Variants in MIA3 observed in about 807,000 individuals in gnomAD.
MIA3 encodes the protein transport and Golgi organization protein 1 homolog.
MIA3 carries 90 observed loss-of-function variants against 192.4 expected under a neutral mutation model. The observed-to-expected ratio is 0.47, with a 90% CI of 0.39 to 0.56. The LOEUF (loss-of-function observed/expected upper bound fraction) is 0.56. Among genes scored for constraint, MIA3 ranks in the 20% least tolerant of loss-of-function variants. The pLI is 0.00. For missense variants in MIA3, 2,123 were observed against 2,269.4 expected (o/e 0.94, Z 1.31); for synonymous variants, 740 against 792.8 (o/e 0.93, Z 1.12).
At chr1:222,658,561 T>A (rs536860899) in intron 18 of MIA3, 161 bp from the exon 19 acceptor site, 2 of 492,824 alleles carry the variant, frequency 4.1e-6, no homozygotes, top group East Asian at 7.1e-5. Context: ...AGGCCACAGT[T>A]GGATTTTTAT....
At chr1:222,646,037 A>G (rs913641495) in intron 7 of MIA3, 1 of 190,694 alleles carries the variant, frequency 5.2e-6, no homozygotes, top group Non-Finnish European at 1.1e-5. Flanking sequence ...CCTGAAAAAT[A>G]GTTTCATGAT....
chr1:222,648,848 A>T lies in MIA3; in HGVS notation c.3629A>T (p.Gln1210Leu). The part of the protein sequence containing the change: ...TVLVVKDRVY[Q>L]VTEQQISEKL... ...TTCTAGGTGAAGGATAGAGTATATC[A>T]AGGTAAATCTTTAGGCTTTTTTGTT... The change falls in exon 8 of 28, where the codon CAA (glutamine) becomes CTA (leucine). Residue 1210 changes from glutamine to leucine, a missense_variant and splice_region_variant. Gln to Leu is a moderately radical substitution (Grantham distance 113). Around this residue, in one of 3 missense-constraint regions of MIA3, gnomAD observed 762 missense variants for 856.4 expected, o/e 0.89. Coordinates refer to ENST00000344922, the MANE Select transcript of MIA3 (RefSeq NM_198551.4). 1 of 1,448,640 alleles carries T rather than the reference A, an allele frequency of 6.9e-7. No individual in the cohort carries two copies. The highest frequency in any genetic ancestry group is 9.6e-7 in the Non-Finnish European group (1 of 1,038,482). 89.7% of individuals were successfully genotyped at this position (1,448,640 alleles called of 1,614,324 possible). A position where few individuals can be genotyped will look rare whatever the true frequency, so the allele number is the denominator to read the frequency against.
chr1:222,621,316 T>C, intron 2 of MIA3, 24 bp downstream of exon 2: 1 of 1,593,274 alleles, frequency 6.3e-7, no homozygotes, highest in Non-Finnish European at 8.5e-7. Context: ...CGACATACTT[T>C]ATTTGCTTAA....
intron 4 of MIA3, 135 bp downstream of exon 4, chr1:222,630,524 T>C (rs527239683): frequency 7.6e-6 from 6 of 784,360 alleles, no homozygotes; most frequent in Non-Finnish European, 1.2e-5. Flanking sequence ...GAGGTCCACA[T>C]GTTCCTTCCT....
chr1:222,658,088 T>C (rs1008514759), intron 18 of MIA3, among the ~76,000 whole-genome samples: 1 of 152,218 alleles, frequency 6.6e-6, no homozygotes, highest in African/African-American at 2.4e-5. Flanking sequence ...TTCCAGTACA[T>C]AGCACCCTGA....
chr1:222,662,033 G>A, intron 24 of MIA3, 23 bp from the exon 25 acceptor site: 1 of 1,595,324 alleles, frequency 6.3e-7, no homozygotes, highest in East Asian at 2.2e-5. Flanking sequence ...TACATATAAG[G>A]ACTCTGTTAT....
chr1:222,630,365 G>A lies in MIA3; in HGVS notation c.3145G>A (p.Glu1049Lys). 6.2e-7 allele frequency: 1 copy of A among 1,609,812 alleles called. No individual in the cohort carries two copies. The highest frequency in any genetic ancestry group is 8.5e-7 in the Non-Finnish European group (1 of 1,177,694). The change falls in exon 4 of 28, where the codon GAA becomes AAA. Residue 1049 changes from glutamate (E) to lysine (K), a missense_variant. By Grantham distance (56) the Glu-to-Lys change is moderately conservative (BLOSUM62 1). This residue lies in a region of MIA3 where 1,357 missense variants were observed against 1,396.1 expected (regional missense o/e 0.97). Coordinates refer to ENST00000344922, the MANE Select transcript of MIA3 (RefSeq NM_198551.4). Reference sequence around the variant, plus strand: ...ACTGGTGATGGCACCACCTCTAGAGGAAGGCTTGGGTGGAGCAATGGAAGG... The same window carrying A: ...ACTGGTGATGGCACCACCTCTAGAGAAAGGCTTGGGTGGAGCAATGGAAGG... ...ATLVMAPPLE[E>K]GLGGAMEEMQ... is the part of the protein sequence containing the mutation.
chr1:222,628,140 T>C lies in MIA3; in HGVS notation c.920T>C (p.Leu307Ser). Residue 307 changes from leucine (L) to serine (S), a missense_variant, in exon 4 of 28, where the codon TTG becomes TCG. Physicochemically the swap from Leu to Ser is moderately radical, Grantham distance 145. This residue lies in a region of MIA3 where 1,357 missense variants were observed against 1,396.1 expected (regional missense o/e 0.97). Coordinates refer to ENST00000344922, the MANE Select transcript of MIA3 (RefSeq NM_198551.4). ...TTAGAAGATGATTTTGATGAGGAATTGGATACTGAGTATTATGCAGTTGGA... is the reference window on the plus strand; with the variant it reads ...TTAGAAGATGATTTTGATGAGGAATCGGATACTGAGTATTATGCAGTTGGA... Reference protein sequence around the residue: ...TSLEDDFDEELDTEYYAVGKE... With the variant: ...TSLEDDFDEESDTEYYAVGKE... 1 of 1,613,954 alleles carries C rather than the reference T, an allele frequency of 6.2e-7. No homozygotes were observed. The highest frequency in any genetic ancestry group is 8.5e-7 in the Non-Finnish European group (1 of 1,180,018).
Position 222,653,120 on chromosome 1 carries a change from A to G in MIA3, c.4199A>G (p.Asp1400Gly), listed in dbSNP as rs758504855. The change falls in exon 14 of 28, where the codon GAT becomes GGT. Residue 1400 changes from aspartate to glycine, a missense_variant. Physicochemically the swap from Asp to Gly is moderately conservative, Grantham distance 94. This residue lies in a region of MIA3 where 762 missense variants were observed against 856.4 expected (regional missense o/e 0.89). Coordinates refer to ENST00000344922, the MANE Select transcript of MIA3 (RefSeq NM_198551.4). ...DLEVALTHKD[D>G]NINALTNCIT... ...GAAGTAGCTCTTACTCACAAGGATG[A>G]TAATATTAATGTAAGTGCGTTCATG... 3.1e-6 allele frequency: 5 copies of G among 1,609,958 alleles called. No individual in the cohort carries two copies. In the Admixed American group the frequency reaches 8.3e-5, roughly 27 times the overall value.
At position 222,618,408 on chromosome 1, in the gene MIA3, G is replaced by A. The variant is rs1395937642; in HGVS notation, c.133+165G>A. On this transcript the variant is annotated intron_variant, in intron 1 of 27. Transcript: ENST00000344922. ...GGCGGGATGGGCTGAACGCGGGGGT[G>A]GGCGCGCTCCGGGTCCCTGTGTCTG... is the stretch of plus-strand genomic sequence containing the variant. Among the ~76,000 whole-genome samples the A allele has an allele frequency of 4.6e-5, 7 of 152,212 alleles. No individual in the cohort carries two copies. The East Asian group carries it at 1.4e-3, about 30-fold the overall frequency.
intron 3 of MIA3, 77 bp downstream of exon 3, chr1:222,624,931 C>A: frequency 1.5e-6 from 1 of 687,316 alleles, no homozygotes; most frequent in South Asian, 1.7e-5. Flanking sequence ...AGAAAAATTT[C>A]AAAAGAATTT....
chr1:222,644,198 G>A (rs1470494587), intron 6 of MIA3: 4 of 921,758 alleles, frequency 4.3e-6, no homozygotes, highest in East Asian at 8.9e-5. Flanking sequence ...AGCCCTATTC[G>A]CTCTTCTCTC....
rs2936053 is a variant in MIA3, at chr1:222,628,664, A to C, written c.1444A>C (p.Lys482Gln). The change falls in exon 4 of 28, where the codon AAG (lysine) becomes CAG (glutamine). Residue 482 changes from lysine to glutamine, a missense_variant. By Grantham distance (53) the Lys-to-Gln change is moderately conservative (BLOSUM62 1). Coordinates refer to ENST00000344922, the MANE Select transcript of MIA3 (RefSeq NM_198551.4). ...QESKRGLVQD[K>Q]TELEDENQEG... ...ATCCAAGAGGGGCCTGGTACAAGAT[A>C]AGACAGAATTAGAGGATGAAAATCA... 1.9e-6 allele frequency: 3 copies of C among 1,614,140 alleles called. No homozygotes were observed. The highest frequency in any genetic ancestry group is 2.5e-6 in the Non-Finnish European group (3 of 1,180,034).
At chr1:222,644,001 G>A (rs1172332771) in intron 6 of MIA3, among the ~76,000 whole-genome samples, 1 of 152,174 alleles carries the variant, frequency 6.6e-6, no homozygotes, top group Non-Finnish European at 1.5e-5. Context: ...GTCCTTCCAC[G>A]CTGTGACAGG....
intron 5 of MIA3, 68 bp downstream of exon 5, chr1:222,632,394 G>T (rs888464178): frequency 7.4e-7 from 1 of 1,355,332 alleles, no homozygotes; most frequent in African/African-American, 1.5e-5. Context: ...GAGATTCATT[G>T]TCAAAGGCAG....
At chr1:222,620,345 T>C (rs565864355) in intron 1 of MIA3, among the ~76,000 whole-genome samples, 1 of 152,356 alleles carries the variant, frequency 6.6e-6, no homozygotes, top group East Asian at 1.9e-4. Context: ...TCAAGCGTGA[T>C]TGAATTACTG....
intron 7 of MIA3, among the ~76,000 whole-genome samples, chr1:222,648,374 G>A (rs1309268481): frequency 2.0e-5 from 3 of 152,154 alleles, no homozygotes; most frequent in East Asian, 1.9e-4. Flanking sequence ...ATCTTAGTAC[G>A]AAGATCATAC....
At position 222,665,472 on chromosome 1, in the gene MIA3, A is replaced by C; in HGVS notation, c.5577A>C (p.Arg1859=). 1 of 1,613,854 alleles carries C rather than the reference A, an allele frequency of 6.2e-7. No homozygotes were observed. Among genetic ancestry groups the C allele is most frequent in the Non-Finnish European group, 8.5e-7 (1 of 1,179,964 alleles). The change falls in exon 28 of 28, where the codon CGA becomes CGC. Residue 1859 remains arginine (R), a synonymous_variant. Transcript: ENST00000344922. ...GAGAGTACTTTATTCCTGGTACCCG[A>C]TTACCACCCCCAACCCATGGTCCCC... is the stretch of plus-strand genomic sequence containing the variant. ...GPREYFIPGT[R]LPPPTHGPQE...
chr1:222,644,649 C>T lies in MIA3; in HGVS notation c.3478-905C>T, dbSNP rs1663046361. 3 of 1,506,982 alleles carry T rather than the reference C, an allele frequency of 2.0e-6. No individual in the cohort carries two copies. The South Asian group carries it at 3.6e-5, about 18-fold the overall frequency. The allele number at this position is 1,506,982 out of a possible 1,614,324, so 93.4% of individuals were successfully genotyped here. ...CACAGGCGGGTGGATGAGTTCTAAGCAGAGTGGGTGCACTGATTGTCTGTG... is the reference window on the plus strand; with the variant it reads ...CACAGGCGGGTGGATGAGTTCTAAGTAGAGTGGGTGCACTGATTGTCTGTG... On this transcript the variant is annotated intron_variant, in intron 6 of 27. Transcript: ENST00000344922.
Sources: gnomAD v4.1 joint callset for allele counts (sites outside exome capture counted in the v4.1 genomes callset) on GRCh38, gnomAD v4.1.1 for gene constraint, gnomAD v4.1.1 regional missense constraint, MANE v1.5 for transcripts, NCBI Gene and HGNC (gene_info 2026-07-23, HGNC 2026-07-21) for gene names.